RALGAPA1: variants seen among roughly 807,000 people sequenced by gnomAD.
RALGAPA1 encodes the protein Ral GTPase activating protein catalytic subunit alpha 1, also known as ral GTPase-activating protein subunit alpha-1.
RALGAPA1 carries 52 observed loss-of-function variants against 269.6 expected under a neutral mutation model. The ratio of observed to expected loss-of-function variants is 0.19; its 90% CI spans 0.15 to 0.24. The LOEUF is 0.24. RALGAPA1 is among the 10% of genes least tolerant of loss of function. RALGAPA1 has a pLI of 1.00. For synonymous variants in RALGAPA1, 817 were observed against 1,008.3 expected, an observed-to-expected ratio of 0.81 and a Z score of 3.60; for missense variants, 1,917 against 3,013.9, an observed-to-expected ratio of 0.64 and a Z score of 8.52.
intron 21 of RALGAPA1, 130 bp downstream of exon 21, chr14:35,683,679 A>G: frequency 1.4e-6 from 1 of 701,748 alleles, no homozygotes; most frequent in African/African-American, 1.8e-5. Flanking sequence ...CTTCATTGTT[A>G]CATAAAGATG....
rs181163574 is a variant in RALGAPA1 at position 35,776,072 on chromosome 14, A to G, written c.107-327T>C. 6.6e-5 allele frequency among the ~76,000 whole-genome samples: 10 copies of G among 152,310 alleles called. No homozygotes were observed. In the East Asian group the frequency reaches 1.7e-3, roughly 26 times the overall value. ...CCTAACTTCTCCCCAAGACAGTTGA[A>G]AATCAGAATAATAATTTATGATGTC... On this transcript the variant is annotated intron_variant, in intron 1 of 41. Coordinates refer to ENST00000680220, the MANE Select transcript of RALGAPA1 (RefSeq NM_001346249.2).
At chr14:35,760,684 C>A in intron 6 of RALGAPA1, 145 bp downstream of exon 6, 1 of 568,354 alleles carries the variant, frequency 1.8e-6, no homozygotes, top group South Asian at 3.2e-5. Flanking sequence ...CTGACTTCAC[C>A]ATACCTGAAT....
chr14:35,726,382 G>A (rs1256029376), intron 13 of RALGAPA1, among the ~76,000 whole-genome samples: 2 of 152,132 alleles, frequency 1.3e-5, no homozygotes. Flanking sequence ...ATGCAATAAA[G>A]CATAGATTTT....
intron 39 of RALGAPA1, among the ~76,000 whole-genome samples, chr14:35,555,811 A>G (rs2055540085): frequency 6.6e-6 from 1 of 152,216 alleles, no homozygotes; most frequent in Non-Finnish European, 1.5e-5. Flanking sequence ...CTTTTAATTA[A>G]TAGTCCAATG....
intron 25 of RALGAPA1, 58 bp downstream of exon 25, chr14:35,672,809 G>T: frequency 7.2e-7 from 1 of 1,388,414 alleles, no homozygotes; most frequent in South Asian, 1.6e-5. Context: ...ACAGAATCAA[G>T]AATCAAAGAT....
intron 16 of RALGAPA1, among the ~76,000 whole-genome samples, chr14:35,711,643 T>C (rs2068352242): frequency 6.6e-6 from 1 of 151,342 alleles, no homozygotes; most frequent in Non-Finnish European, 1.5e-5. Flanking sequence ...AGAGACAGAG[T>C]TTCACCATGT....
At chr14:35,591,601 C>T (rs2058639042) in intron 37 of RALGAPA1, among the ~76,000 whole-genome samples, 1 of 152,120 alleles carries the variant, frequency 6.6e-6, no homozygotes, top group African/African-American at 2.4e-5. Flanking sequence ...CATAAGCAAG[C>T]CACCACACCT....
chr14:35,604,785 T>C (rs1244300263), intron 36 of RALGAPA1, among the ~76,000 whole-genome samples: 1 of 152,136 alleles, frequency 6.6e-6, no homozygotes, highest in African/African-American at 2.4e-5. Context: ...ATTTGGCTGA[T>C]TCAATATATG....
In RALGAPA1 at chr14:35,582,551, A is replaced by G. The variant is rs896809655; in HGVS notation, c.7210-9833T>C. On this transcript the variant is annotated intron_variant, in intron 37 of 41. Coordinates refer to ENST00000680220, the MANE Select transcript of RALGAPA1 (RefSeq NM_001346249.2). ...GTGCCAGTGTAGGAAAACCTGAACT[A>G]AAATTGAACTGCTGGAAGCTCAGTG... 4.6e-5 allele frequency among the ~76,000 whole-genome samples: 7 copies of G among 152,286 alleles called. No individual in the cohort carries two copies. In the South Asian group the frequency reaches 6.2e-4, roughly 14 times the overall value.
chr14:35,661,232 C>T (rs2063521575), intron 27 of RALGAPA1, among the ~76,000 whole-genome samples: 1 of 152,110 alleles, frequency 6.6e-6, no homozygotes, highest in Non-Finnish European at 1.5e-5. Context: ...TCATATTGTA[C>T]ACCTTAAATA....
At chr14:35,543,907 G>A (rs975331750) in intron 41 of RALGAPA1, among the ~76,000 whole-genome samples, 9 of 152,246 alleles carry the variant, frequency 5.9e-5, no homozygotes, top group African/African-American at 2.2e-4. Flanking sequence ...CTCCCAAAGG[G>A]TTGGGATTAC....
chr14:35,568,495 A>C (rs140499768), intron 39 of RALGAPA1, among the ~76,000 whole-genome samples: 14 of 152,292 alleles, frequency 9.2e-5, no homozygotes, highest in African/African-American at 3.4e-4. Flanking sequence ...GTTTTGTTTA[A>C]AGGAAAAAGA....
intron 39 of RALGAPA1, among the ~76,000 whole-genome samples, chr14:35,552,524 C>T (rs954191985): frequency 1.3e-5 from 2 of 151,670 alleles, no homozygotes; most frequent in South Asian, 2.1e-4. Flanking sequence ...ATTAAAAAAC[C>T]GAAATGGATA....
In RALGAPA1 at chr14:35,659,165, G is replaced by C; in HGVS notation, c.5360C>G (p.Ala1787Gly). The C allele has an allele frequency of 1.2e-6, 2 of 1,611,316 alleles. No homozygotes were observed. The highest frequency in any genetic ancestry group is 1.7e-6 in the Non-Finnish European group (2 of 1,178,464). ...TGCAGGACCAGAGGGCTCATCTCTT[G>C]CCGAGCTTAATACAGTTTTGATTAT... ...ELIIKTVLSS[A>G]RDEPSGPARC... Residue 1787 changes from alanine to glycine, a missense_variant, in exon 28 of 42, where the codon GCA becomes GGA. Physicochemically the swap from Ala to Gly is moderately conservative, Grantham distance 60. Transcript: ENST00000680220.
intron 5 of RALGAPA1, among the ~76,000 whole-genome samples, chr14:35,762,349 G>C (rs1471499371): frequency 2.0e-5 from 3 of 152,106 alleles, no homozygotes; most frequent in Admixed American, 1.3e-4. Context: ...TCTGCCTCCA[G>C]GGTTCAAGCA....
intron 10 of RALGAPA1, among the ~76,000 whole-genome samples, chr14:35,747,543 C>T (rs1165256648): frequency 6.6e-6 from 1 of 152,184 alleles, no homozygotes; most frequent in Non-Finnish European, 1.5e-5. Flanking sequence ...CTGTCTCATG[C>T]TTTGTTTTAC....
intron 8 of RALGAPA1, 40 bp downstream of exon 8, chr14:35,751,984 C>T: frequency 6.4e-7 from 1 of 1,554,976 alleles, no homozygotes; most frequent in Non-Finnish European, 8.7e-7. Flanking sequence ...TTATTTTACT[C>T]TTAAGTGTGA....
chr14:35,672,241 A>G lies in RALGAPA1; in HGVS notation c.5073+626T>C, dbSNP rs968183239. On this transcript the variant is annotated intron_variant, in intron 25 of 41. Transcript: ENST00000680220. ...CTTTTAATATTAATATACTCTGTAA[A>G]TGACCTACGAGTTCATCATATTAGG... 2.6e-5 allele frequency among the ~76,000 whole-genome samples: 4 copies of G among 152,268 alleles called. No individual in the cohort carries two copies. In the East Asian group the frequency reaches 7.7e-4, roughly 29 times the overall value.
chr14:35,675,378 A>C (rs1392272494), intron 22 of RALGAPA1, among the ~76,000 whole-genome samples: 1 of 152,160 alleles, frequency 6.6e-6, no homozygotes, highest in Non-Finnish European at 1.5e-5. Context: ...GGGTTTCACT[A>C]TGTTGGCCAG....
Sources: allele counts gnomAD v4.1 joint callset (sites outside exome capture counted in the v4.1 genomes callset), GRCh38; gene constraint gnomAD v4.1.1; transcripts MANE v1.5; gene names NCBI Gene and HGNC (gene_info 2026-07-23, HGNC 2026-07-21).